The following ZNF786 variants were observed in gnomAD, a reference collection of about 807,000 sequenced individuals.
ZNF786 encodes the protein zinc finger protein 786.
Under a neutral mutation model 63.1 loss-of-function variants are expected in ZNF786, and 56 were observed. The observed-to-expected ratio is 0.89, with a 90% CI of 0.72 to 1.11. The LOEUF is 1.11. Ranked by LOEUF, ZNF786 falls within the 50% of genes least tolerant of loss-of-function variation. ZNF786 has a pLI of 0.00. For missense variants in ZNF786, 1,213 were observed against 1,041.8 expected (o/e 1.16, Z -2.26); for synonymous variants, 485 against 406.9 (o/e 1.19, Z -2.31).
At position 149,070,499 on chromosome 7, in the gene ZNF786, C is replaced by G. The variant is rs773329223; in HGVS notation, c.2273G>C (p.Cys758Ser). The G allele has an allele frequency of 3.7e-6, 6 of 1,614,020 alleles. No homozygotes were observed. In the Admixed American group the frequency reaches 1.0e-4, roughly 27 times the overall value. ...AATGTCCAGTTCATTTGGAGCAGGA[C>G]AGGATTTTGTGTGTACTCTGATGTG... ...AEHIRVHTKS[C>S]PAPNELDIKK... The change falls in exon 4 of 4, where the codon TGT becomes TCT. Residue 758 changes from cysteine (C) to serine (S), a missense_variant. By Grantham distance (112) the Cys-to-Ser change is moderately radical. Coordinates refer to ENST00000491431, the MANE Select transcript of ZNF786 (RefSeq NM_152411.4).
chr7:149,089,233 T>C (rs1825790811), intron 1 of ZNF786, among the ~76,000 whole-genome samples: 1 of 152,190 alleles, frequency 6.6e-6, no homozygotes, highest in Admixed American at 6.5e-5. Context: ...ATTAGAGGCG[T>C]GAGCCACCAC....
At chr7:149,084,968 A>G (rs182438378) in intron 1 of ZNF786, among the ~76,000 whole-genome samples, 3 of 152,278 alleles carry the variant, frequency 2.0e-5, no homozygotes, top group African/African-American at 7.2e-5. Flanking sequence ...TGATTTTTGT[A>G]TATGGTGTAA....
Position 149,070,481 on chromosome 7 carries a change from A to C in ZNF786, c.2291T>G (p.Leu764Arg). ...HTKSCPAPNE[L>R]DIKKRLSQLF... The stretch of plus-strand genomic sequence containing the variant: ...TTGGCTGAGCCTTTTCTTAATGTCC[A>C]GTTCATTTGGAGCAGGACAGGATTT... The change falls in exon 4 of 4, where the codon CTG becomes CGG. Residue 764 changes from leucine (L) to arginine (R), a missense_variant. Transcript: ENST00000491431. 1.2e-6 allele frequency: 2 copies of C among 1,614,024 alleles called. No homozygotes were observed.
At chr7:149,083,132 G>A (rs1367445288) in intron 1 of ZNF786, among the ~76,000 whole-genome samples, 1 of 151,920 alleles carries the variant, frequency 6.6e-6, no homozygotes, top group Non-Finnish European at 1.5e-5. Context: ...TCCTACCTCA[G>A]GCAATCTGCC....
intron 2 of ZNF786, among the ~76,000 whole-genome samples, chr7:149,079,148 C>T (rs1825611824): frequency 6.6e-6 from 1 of 152,198 alleles, no homozygotes; most frequent in African/African-American, 2.4e-5. Flanking sequence ...GTGGCTCACG[C>T]CTGTAATCCC....
intron 2 of ZNF786, among the ~76,000 whole-genome samples, chr7:149,079,980 T>C (rs1006284266): frequency 6.6e-6 from 1 of 150,560 alleles, no homozygotes; most frequent in South Asian, 2.2e-4. Flanking sequence ...AAGACCATCC[T>C]GTCCAACATG....
chr7:149,076,734 A>AC (rs1563138360), intron 2 of ZNF786, among the ~76,000 whole-genome samples: 2 of 151,720 alleles, frequency 1.3e-5, no homozygotes, highest in African/African-American at 4.8e-5. Flanking sequence ...AAAAAAAAAA[A>AC]AAAACTACAT....
rs750550328 is a variant in ZNF786 at position 149,074,425 on chromosome 7, T to G, written c.259A>C (p.Met87Leu). 1 of 1,613,910 alleles carries G rather than the reference T, an allele frequency of 6.2e-7. No homozygotes were observed. The highest frequency in any genetic ancestry group is 2.2e-5 in the East Asian group (1 of 44,876). ...TCCTCAAAACCTGGATCAAAATGCA[T>G]ATCAACAGAGGAGCAAATTATGTTT... ...SGNIICSSVD[M>L]HFDPGFEEQL... Residue 87 changes from methionine to leucine, a missense_variant, in exon 3 of 4, where the codon ATG becomes CTG. Coordinates refer to ENST00000491431, the MANE Select transcript of ZNF786 (RefSeq NM_152411.4).
At position 149,070,665 on chromosome 7, in the gene ZNF786, G is replaced by A; in HGVS notation, c.2107C>T (p.Pro703Ser). 1 of 1,613,982 alleles carries A rather than the reference G, an allele frequency of 6.2e-7. No individual in the cohort carries two copies. Among genetic ancestry groups the A allele is most frequent in the Non-Finnish European group, 8.5e-7 (1 of 1,179,912 alleles). Residue 703 changes from proline (P) to serine (S), a missense_variant, in exon 4 of 4, where the codon CCT becomes TCT. Coordinates refer to ENST00000491431, the MANE Select transcript of ZNF786 (RefSeq NM_152411.4). ...SHQGLHTGER[P>S]FHCPECDKNF... ...TTGTCACACTCAGGGCAGTGAAAAGGCCTCTCCCCTGTGTGCAGGCCCTGA... is the reference window on the plus strand; with the variant it reads ...TTGTCACACTCAGGGCAGTGAAAAGACCTCTCCCCTGTGTGCAGGCCCTGA...
chr7:149,082,953 TG>T (rs1339929905), intron 1 of ZNF786, among the ~76,000 whole-genome samples: 1 of 151,962 alleles, frequency 6.6e-6, no homozygotes, highest in Admixed American at 6.6e-5. Context: ...TGGAGTGCAG[TG>T]GCGTGATCTT....
At chr7:149,076,754 C>T (rs1825559090) in intron 2 of ZNF786, among the ~76,000 whole-genome samples, 1 of 150,830 alleles carries the variant, frequency 6.6e-6, no homozygotes, top group African/African-American at 2.4e-5. Flanking sequence ...TAGACCATAC[C>T]ACATTGTACT....
rs767760536 is a variant in ZNF786, at chr7:149,070,833, T to A, written c.1939A>T (p.Met647Leu). Residue 647 changes from methionine to leucine, a missense_variant, in exon 4 of 4, where the codon ATG (methionine) becomes TTG (leucine). Met to Leu is a conservative substitution (Grantham distance 15). Coordinates refer to ENST00000491431, the MANE Select transcript of ZNF786 (RefSeq NM_152411.4). Reference protein sequence around the residue: ...KAHQLLHSGEMPFSCECGKGF... With the variant: ...KAHQLLHSGELPFSCECGKGF... ...TTGCCGCACTCACAGGAGAAAGGCA[T>A]CTCCCCGCTGTGCAGCAGCTGGTGG... 6.2e-7 allele frequency: 1 copy of A among 1,613,640 alleles called. No individual in the cohort carries two copies. The highest frequency in any genetic ancestry group is 8.5e-7 in the Non-Finnish European group (1 of 1,179,892).
intron 2 of ZNF786, 98 bp from the exon 3 acceptor site, chr7:149,074,636 GAAC>G (rs1825510360): frequency 3.5e-6 from 4 of 1,137,966 alleles, no homozygotes; most frequent in Middle Eastern, 5.2e-4. Context: ...CAAAGTATGA[GAAC>G]AACATGTCAA....
chr7:149,090,487 G>A (rs1825812625), intron 1 of ZNF786, 136 bp downstream of exon 1: 3 of 1,036,904 alleles, frequency 2.9e-6, no homozygotes, highest in Non-Finnish European at 3.8e-6. Context: ...CACATCCCCA[G>A]CAGAAGCAGC....
chr7:149,080,543 T>TA, intron 2 of ZNF786, 48 bp downstream of exon 2: 2 of 1,493,794 alleles, frequency 1.3e-6, no homozygotes, highest in East Asian at 4.8e-5. Flanking sequence ...TGTGACCCCT[T>TA]ACAGGATCCA....
intron 1 of ZNF786, among the ~76,000 whole-genome samples, chr7:149,090,285 C>T (rs1825809140): frequency 6.6e-6 from 1 of 152,244 alleles, no homozygotes; most frequent in Non-Finnish European, 1.5e-5. Context: ...AACTGGTTGA[C>T]CTGTAACATC....
rs759792536 is a variant in ZNF786 at position 149,080,616 on chromosome 7, G to A, written c.120C>T (p.Ser40=). The A allele has an allele frequency of 1.2e-5, 20 of 1,611,466 alleles. No homozygotes were observed. The highest frequency in any genetic ancestry group is 1.7e-5 in the Admixed American group (1 of 59,070). ...QKELYKHVMR[S]NYETLVSLDD... is the part of the protein sequence containing the mutation. The stretch of plus-strand genomic sequence containing the variant: ...CTAGAGAGACGAGAGTCTCATAATT[G>A]CTTCTCATCACATGCTTGTAAAGTT... Residue 40 remains serine, a synonymous_variant, in exon 2 of 4, where the codon AGC becomes AGT. Coordinates refer to ENST00000491431, the MANE Select transcript of ZNF786 (RefSeq NM_152411.4).
rs763215380 is a variant in ZNF786 at position 149,090,619 on chromosome 7, T to C, written c.18+4A>G. On this transcript the variant is annotated splice_donor_region_variant and intron_variant, in intron 1 of 3. Transcript: ENST00000491431. ...CGGGCGTCCAAACAGGCTAGCCCGC[T>C]TACCCGAGGCGGCTCCGCCATGGTC... 6.3e-7 allele frequency: 1 copy of C among 1,590,660 alleles called. No individual in the cohort carries two copies. The highest frequency in any genetic ancestry group is 8.6e-7 in the Non-Finnish European group (1 of 1,167,348).
intron 1 of ZNF786, among the ~76,000 whole-genome samples, chr7:149,087,082 A>G (rs552979866): frequency 3.9e-5 from 6 of 152,230 alleles, no homozygotes; most frequent in African/African-American, 1.4e-4. Context: ...ACCTCAGGTG[A>G]TCCACCTGCC....
Sources: gnomAD v4.1 joint callset for allele counts (sites outside exome capture counted in the v4.1 genomes callset) on GRCh38, gnomAD v4.1.1 for gene constraint, MANE v1.5 for transcripts, NCBI Gene and HGNC (gene_info 2026-07-23, HGNC 2026-07-21) for gene names.